The following TCF20 variants were observed in gnomAD, a reference collection of about 807,000 sequenced individuals.
The protein encoded by TCF20 is SPRE-binding protein.
In TCF20, 3 loss-of-function variants were observed where a neutral mutation model predicts 148.6. That is an observed-to-expected ratio of 0.02 (90% CI 0.01 to 0.05). The LOEUF (loss-of-function observed/expected upper bound fraction) is 0.05. TCF20 is among the 10% of genes least tolerant of loss of function. The probability of loss-of-function intolerance (pLI) is 1.00; values close to 1 mark genes in which losing one functional copy is unlikely to be tolerated. For synonymous variants in TCF20, 1,049 were observed against 909.5 expected, an observed-to-expected ratio of 1.15 and a Z score of -2.76; for missense variants, 2,350 against 2,429.3, an observed-to-expected ratio of 0.97 and a Z score of 0.69.
At chr22:42,219,920 T>C (rs1922198715) in intron 1 of TCF20, among the ~76,000 whole-genome samples, 1 of 152,084 alleles carries the variant, frequency 6.6e-6, no homozygotes, top group African/African-American at 2.4e-5. Context: ...CCCTTTCCTG[T>C]TTTTCTCCTA....
At chr22:42,168,469 G>A (rs1935921426) in intron 5 of TCF20, 140 bp downstream of exon 5, 4 of 1,297,212 alleles carry the variant, frequency 3.1e-6, no homozygotes, top group Admixed American at 2.5e-5. Context: ...GTAACCAATG[G>A]AAGAACACTG....
intron 2 of TCF20, among the ~76,000 whole-genome samples, chr22:42,200,749 G>C (rs1426397065): frequency 1.3e-5 from 2 of 151,526 alleles, no homozygotes; most frequent in Non-Finnish European, 2.9e-5. Context: ...GTCCTTACCA[G>C]CTCTTGCACA....
At chr22:42,246,829 G>C (rs1924950313) in intron 1 of TCF20, among the ~76,000 whole-genome samples, 1 of 152,012 alleles carries the variant, frequency 6.6e-6, no homozygotes, top group Non-Finnish European at 1.5e-5. Context: ...AGCCAGGCGT[G>C]GTGGCGGGTG....
chr22:42,193,710 A>ACAGGTTAAGAAATT (rs1344714856), intron 2 of TCF20, among the ~76,000 whole-genome samples: 56 of 152,222 alleles, frequency 3.7e-4, no homozygotes, highest in African/African-American at 1.2e-3. Flanking sequence ...ACTCCATTTT[A>ACAGGTTAAGAAATT]CAGGTTAAGA....
chr22:42,246,389 A>G lies in TCF20; in HGVS notation c.-37+23950T>C, dbSNP rs138929129. Among the ~76,000 whole-genome samples, 1,151 of 152,310 alleles carry G rather than the reference A, an allele frequency of 7.6e-3. 14 individuals are homozygous for G. The highest frequency in any genetic ancestry group is 0.012 in the Non-Finnish European group (845 of 68,034). On this transcript the variant is annotated intron_variant, in intron 1 of 5. Transcript: ENST00000677622. ...CCTCCCAAAGTGCTGGGATACAGGC[A>G]TGAGTCACCAGGCCTGGCCTCAATA... is the stretch of plus-strand genomic sequence containing the variant.
At chr22:42,205,673 G>A (rs745323527) in intron 2 of TCF20, among the ~76,000 whole-genome samples, 2 of 152,236 alleles carry the variant, frequency 1.3e-5, no homozygotes, top group Non-Finnish European at 2.9e-5. Context: ...GTCCTTGAGT[G>A]CACTGAGAAA....
At chr22:42,331,127 T>C (rs4822111) in intron 1 of TCF20, among the ~76,000 whole-genome samples, 91,837 of 152,170 alleles carry the variant, frequency 0.6, 29,822 homozygotes, top group African/African-American at 0.85. Flanking sequence ...TGACAAACTG[T>C]GTTCAAGCTT....
At chr22:42,258,531 C>T (rs1210416091) in intron 1 of TCF20, among the ~76,000 whole-genome samples, 1 of 152,208 alleles carries the variant, frequency 6.6e-6, no homozygotes, top group Non-Finnish European at 1.5e-5. Flanking sequence ...AGAATTTACG[C>T]ATGCTCTGGT....
chr22:42,197,384 G>A (rs967048762), intron 2 of TCF20, among the ~76,000 whole-genome samples: 3 of 149,970 alleles, frequency 2.0e-5, no homozygotes, highest in Non-Finnish European at 3.0e-5. Flanking sequence ...GGGCAGTGGC[G>A]CGATCTCGGC....
At chr22:42,175,878 G>A (rs559842986) in intron 3 of TCF20, among the ~76,000 whole-genome samples, 36 of 152,190 alleles carry the variant, frequency 2.4e-4, no homozygotes, top group Middle Eastern at 3.4e-3. Context: ...CCCAACTGAG[G>A]GTCATGCAGC....
chr22:42,257,179 T>G (rs1037746385), intron 1 of TCF20, among the ~76,000 whole-genome samples: 4 of 152,082 alleles, frequency 2.6e-5, no homozygotes, highest in African/African-American at 9.7e-5. Flanking sequence ...AATAAAACCC[T>G]CCAGGAGAAA....
chr22:42,160,385 C>T lies in TCF20; in HGVS notation c.*1018G>A, dbSNP rs183606953. ...GATCACAGCGACAGTCCCTCCCCGT[C>T]CCTGCCTACAGCTCACACTGCCAGC... On this transcript the variant is annotated 3_prime_UTR_variant, in exon 6 of 6. Transcript: ENST00000677622. The T allele has an allele frequency of 3.3e-5, 5 of 152,792 alleles. No homozygotes were observed. Among genetic ancestry groups the T allele is most frequent in the Admixed American group, 2.0e-4 (3 of 15,308 alleles). The allele number at this position is 152,792 out of a possible 1,614,324, so 9.5% of individuals were successfully genotyped here.
intron 1 of TCF20, among the ~76,000 whole-genome samples, chr22:42,261,048 G>C (rs1411880216): frequency 6.6e-6 from 1 of 152,166 alleles, no homozygotes; most frequent in Non-Finnish European, 1.5e-5. Context: ...ACACCAATCT[G>C]AAATCTAGTA....
intron 1 of TCF20, among the ~76,000 whole-genome samples, chr22:42,282,817 C>T (rs987800992): frequency 2.0e-5 from 3 of 152,092 alleles, no homozygotes; most frequent in Non-Finnish European, 4.4e-5. Flanking sequence ...CCTGCCTCGC[C>T]GGCCTGTCTG....
intron 1 of TCF20, among the ~76,000 whole-genome samples, chr22:42,250,468 AG>A (rs770489743): frequency 0.011 from 1,110 of 99,800 alleles, 14 homozygotes; most frequent in Middle Eastern, 0.019. Context: ...AAAAAAAAAA[AG>A]GTGAACCTTC....
chr22:42,163,291 G>A (rs559647957), intron 5 of TCF20, among the ~76,000 whole-genome samples: 1 of 152,338 alleles, frequency 6.6e-6, no homozygotes, highest in African/African-American at 2.4e-5. Flanking sequence ...CCTGGGGCGC[G>A]TGGTGGCCCA....
intron 4 of TCF20, among the ~76,000 whole-genome samples, chr22:42,168,987 C>T (rs1240548679): frequency 6.6e-6 from 1 of 151,886 alleles, no homozygotes; most frequent in Admixed American, 6.6e-5. Context: ...GACCACTCCC[C>T]GCCCTTCCCC....
At chr22:42,180,932 C>G (rs1260810206) in intron 2 of TCF20, among the ~76,000 whole-genome samples, 3 of 152,220 alleles carry the variant, frequency 2.0e-5, no homozygotes, top group Non-Finnish European at 2.9e-5. Context: ...CTTTGCCCTG[C>G]TCTCAGAAGA....
intron 5 of TCF20, among the ~76,000 whole-genome samples, chr22:42,161,966 GAC>G (rs1345153803): frequency 8.2e-6 from 1 of 122,632 alleles, no homozygotes; most frequent in East Asian, 2.3e-4. Context: ...CTTGGCTAAT[GAC>G]AGTCTTTTTT....
Sources: gnomAD v4.1 joint callset for allele counts (sites outside exome capture counted in the v4.1 genomes callset) on GRCh38, gnomAD v4.1.1 for gene constraint, MANE v1.5 for transcripts, NCBI Gene and HGNC (gene_info 2026-07-23, HGNC 2026-07-21) for gene names.